The following LRBA variants were observed in gnomAD, a reference collection of about 807,000 sequenced individuals.
The protein encoded by LRBA is LPS responsive beige-like anchor protein, also known as lipopolysaccharide-responsive and beige-like anchor protein.
LRBA carries 176 observed loss-of-function variants against 330.0 expected under a neutral mutation model. That is an observed-to-expected ratio of 0.53 (90% CI 0.47 to 0.60). The LOEUF (loss-of-function observed/expected upper bound fraction) is 0.60. Among genes scored for constraint, LRBA ranks in the 20% least tolerant of loss-of-function variants. The pLI, the probability that LRBA is intolerant of heterozygous loss-of-function variation, is 0.00. For synonymous variants in LRBA, 1,230 were observed against 1,193.0 expected, an observed-to-expected ratio of 1.03 and a Z score of -0.64; for missense variants, 3,259 against 3,444.8, an observed-to-expected ratio of 0.95 and a Z score of 1.35.
chr4:150,517,793 T>C (rs1006106696), intron 40 of LRBA, among the ~76,000 whole-genome samples: 8 of 152,212 alleles, frequency 5.3e-5, no homozygotes, highest in Admixed American at 3.3e-4. Flanking sequence ...CTCAGAGGTA[T>C]GTTTCAAGAC....
At chr4:150,854,108 A>G (rs1466681202) in intron 22 of LRBA, among the ~76,000 whole-genome samples, 1 of 152,150 alleles carries the variant, frequency 6.6e-6, no homozygotes, top group Non-Finnish European at 1.5e-5. Context: ...CCTTCTATCG[A>G]CATTAACTCG....
intron 37 of LRBA, among the ~76,000 whole-genome samples, chr4:150,605,745 A>G (rs1008893778): frequency 1.3e-5 from 2 of 152,176 alleles, no homozygotes; most frequent in African/African-American, 4.8e-5. Context: ...AATATAAGAG[A>G]ATGCTTTACC....
chr4:150,589,385 A>G (rs748301364), intron 39 of LRBA, among the ~76,000 whole-genome samples: 4 of 152,170 alleles, frequency 2.6e-5, no homozygotes, highest in Non-Finnish European at 5.9e-5. Context: ...TTTGCCCTCT[A>G]TTCCCAATGT....
chr4:150,981,665 G>A (rs947741723), intron 2 of LRBA, among the ~76,000 whole-genome samples: 2 of 151,806 alleles, frequency 1.3e-5, no homozygotes, highest in South Asian at 4.2e-4. Context: ...AAGGTGCCAA[G>A]AACACACATT....
chr4:151,005,437 CAAAAAAAAAAAAA>C (rs70941465), intron 2 of LRBA, among the ~76,000 whole-genome samples: 2 of 60,576 alleles, frequency 3.3e-5, no homozygotes, highest in East Asian at 1.2e-3. Flanking sequence ...GACTCCAACT[CAAAAAAAAAAAAA>C]AAAAAAAAAA....
chr4:150,348,925 A>G (rs1271902592), intron 48 of LRBA, among the ~76,000 whole-genome samples: 2 of 152,186 alleles, frequency 1.3e-5, no homozygotes, highest in African/African-American at 4.8e-5. Context: ...ATCAAATAAA[A>G]TACCCCCAGA....
intron 40 of LRBA, among the ~76,000 whole-genome samples, chr4:150,570,131 C>T (rs901442852): frequency 6.6e-6 from 1 of 152,050 alleles, no homozygotes; most frequent in Non-Finnish European, 1.5e-5. Context: ...TTTCACTGAA[C>T]ACTAAAGCAT....
intron 40 of LRBA, among the ~76,000 whole-genome samples, chr4:150,567,973 A>G (rs1238846601): frequency 6.6e-6 from 1 of 152,126 alleles, no homozygotes; most frequent in African/African-American, 2.4e-5. Context: ...ACGATATATT[A>G]GAGTGTTTAA....
intron 34 of LRBA, among the ~76,000 whole-genome samples, chr4:150,781,756 A>G (rs1738255757): frequency 6.6e-6 from 1 of 152,130 alleles, no homozygotes; most frequent in Non-Finnish European, 1.5e-5. Context: ...ATACAATATT[A>G]ATTTATTTTG....
At chr4:150,368,175 A>G (rs929552156) in intron 47 of LRBA, among the ~76,000 whole-genome samples, 1 of 152,120 alleles carries the variant, frequency 6.6e-6, no homozygotes, top group African/African-American at 2.4e-5. Flanking sequence ...GTCCTCCGAG[A>G]TTTCAGTGCT....
intron 5 of LRBA, among the ~76,000 whole-genome samples, chr4:150,920,497 C>T (rs975077078): frequency 2.0e-5 from 3 of 151,996 alleles, no homozygotes; most frequent in Non-Finnish European, 4.4e-5. Context: ...TGCAGTGAGC[C>T]GAGATCGCAC....
At chr4:150,319,135 A>G (rs1186705179) in intron 50 of LRBA, among the ~76,000 whole-genome samples, 1 of 152,138 alleles carries the variant, frequency 6.6e-6, no homozygotes, top group East Asian at 1.9e-4. Context: ...CAGTGCTAAA[A>G]CTTGAAATCA....
chr4:150,271,365 A>G (rs1387391940), intron 56 of LRBA, among the ~76,000 whole-genome samples: 1 of 151,282 alleles, frequency 6.6e-6, no homozygotes, highest in Admixed American at 6.6e-5. Flanking sequence ...AGCGAGACAG[A>G]ACCGTTTACT....
intron 36 of LRBA, among the ~76,000 whole-genome samples, chr4:150,728,502 C>G (rs900299707): frequency 6.6e-6 from 1 of 151,876 alleles, no homozygotes; most frequent in Non-Finnish European, 1.5e-5. Flanking sequence ...TAATCATGAC[C>G]AAGTGGGATT....
intron 40 of LRBA, among the ~76,000 whole-genome samples, chr4:150,533,423 T>C (rs1764259668): frequency 6.6e-6 from 1 of 152,120 alleles, no homozygotes; most frequent in Admixed American, 6.6e-5. Flanking sequence ...ATCTGTCTCC[T>C]TGGGCTCCCA....
chr4:150,542,497 T>C (rs1765416819), intron 40 of LRBA, among the ~76,000 whole-genome samples: 1 of 152,184 alleles, frequency 6.6e-6, no homozygotes, highest in Non-Finnish European at 1.5e-5. Flanking sequence ...TGCTAAATAT[T>C]AGAAATTTGG....
intron 46 of LRBA, among the ~76,000 whole-genome samples, chr4:150,430,803 C>T (rs1750281997): frequency 6.6e-6 from 1 of 151,882 alleles, no homozygotes; most frequent in South Asian, 2.1e-4. Flanking sequence ...TACTACTGTC[C>T]CCATTCCAAA....
chr4:150,765,195 T>C (rs1422896035), intron 34 of LRBA, among the ~76,000 whole-genome samples: 1 of 152,052 alleles, frequency 6.6e-6, no homozygotes, highest in Non-Finnish European at 1.5e-5. Context: ...TGATTTCTAC[T>C]ATATGACATT....
At chr4:150,322,671 G>A (rs1198355812) in intron 49 of LRBA, among the ~76,000 whole-genome samples, 1 of 152,128 alleles carries the variant, frequency 6.6e-6, no homozygotes, top group Non-Finnish European at 1.5e-5. Context: ...TGCACTCTTT[G>A]CATAAAGGTG....
Sources: allele counts gnomAD v4.1 joint callset (sites outside exome capture counted in the v4.1 genomes callset), GRCh38; gene constraint gnomAD v4.1.1; transcripts MANE v1.5; gene names NCBI Gene and HGNC (gene_info 2026-07-23, HGNC 2026-07-21).